KIAA1210: variants seen among roughly 807,000 people sequenced by gnomAD.
KIAA1210 encodes acrosomal protein KIAA1210.
A neutral mutation model predicts 78.9 loss-of-function variants in KIAA1210; 48 were observed. That is an observed-to-expected ratio of 0.61 (90% CI 0.48 to 0.77). The LOEUF (loss-of-function observed/expected upper bound fraction) is 0.77. Among genes scored for constraint, KIAA1210 ranks in the 30% least tolerant of loss-of-function variants. KIAA1210 has a pLI of 0.00. For synonymous variants in KIAA1210, 406 were observed against 404.5 expected, an observed-to-expected ratio of 1.00 and a Z score of -0.04; for missense variants, 1,108 against 1,100.0, an observed-to-expected ratio of 1.01 and a Z score of -0.10.
At chrX:119,106,396 T>G (rs1422772210) in intron 5 of KIAA1210, among the ~76,000 whole-genome samples, 1 of 111,648 alleles carries the variant, frequency 9.0e-6, no homozygotes, top group Admixed American at 9.6e-5. Flanking sequence ...CCTAATTCTT[T>G]CAGTGGCAGA....
intron 2 of KIAA1210, among the ~76,000 whole-genome samples, chrX:119,142,643 G>A (rs185984211): frequency 9.2e-6 from 1 of 108,979 alleles, no homozygotes; most frequent in Admixed American, 9.8e-5. Flanking sequence ...TGGGCGTGGT[G>A]GTGCATGCCT....
chrX:119,098,613 A>G (rs1355295176), intron 6 of KIAA1210, among the ~76,000 whole-genome samples: 1 of 105,425 alleles, frequency 9.5e-6, no homozygotes, highest in Admixed American at 1.0e-4. Flanking sequence ...TCAAAAAAAA[A>G]AAAAAAAAAA....
At chrX:119,114,992 G>A (rs1320813194) in intron 3 of KIAA1210, among the ~76,000 whole-genome samples, 1 of 111,992 alleles carries the variant, frequency 8.9e-6, no homozygotes, top group Non-Finnish European at 1.9e-5. Context: ...CATCAGATAC[G>A]GCTTAATACA....
At position 119,088,363 on chromosome X, in the gene KIAA1210, T is replaced by A. The variant is rs1318075625; in HGVS notation, c.2339A>T (p.Asn780Ile). The A allele has an allele frequency of 1.7e-6, 2 of 1,209,699 alleles. No individual in the cohort carries two copies. Among genetic ancestry groups the A allele is most frequent in the Non-Finnish European group, 2.2e-6 (2 of 894,646 alleles). ...PPRHPFQPWV[N>I]PKVEQEVSSS... ...GGAAACTTCTTGCTCCACTTTAGGG[T>A]TCACCCATGGCTGGAAAGGGTGTCT... is the stretch of plus-strand genomic sequence containing the variant. Residue 780 changes from asparagine (N) to isoleucine (I), a missense_variant, in exon 9 of 12, where the codon AAC becomes ATC. Asn to Ile is a moderately radical substitution (Grantham distance 149). Coordinates refer to ENST00000691062, the MANE Select transcript of KIAA1210 (RefSeq NM_001394962.1).
At position 119,108,452 on chromosome X, in the gene KIAA1210, G is replaced by A. The variant is rs185464834; in HGVS notation, c.377C>T (p.Thr126Ile). The stretch of plus-strand genomic sequence containing the variant: ...AACCTTACTCCTAGGTTTAGGCAGA[G>A]TTCTGGAAATATGGGATCTCTGTGT... Reference protein sequence around the residue: ...RPQQRSHISRTLPKPRSKVPG... With the variant: ...RPQQRSHISRILPKPRSKVPG... The change falls in exon 5 of 12, where the codon ACT becomes ATT. Residue 126 changes from threonine to isoleucine, a missense_variant. Coordinates refer to ENST00000691062, the MANE Select transcript of KIAA1210 (RefSeq NM_001394962.1). 541 of 1,206,874 alleles carry A rather than the reference G, an allele frequency of 4.5e-4. 8 individuals are homozygous for A. In the East Asian group the frequency reaches 0.016, roughly 35 times the overall value.
At chrX:119,141,062 C>T (rs1449606932) in intron 2 of KIAA1210, among the ~76,000 whole-genome samples, 1 of 112,178 alleles carries the variant, frequency 8.9e-6, no homozygotes, top group Non-Finnish European at 1.9e-5. Flanking sequence ...AGGAAGCTTT[C>T]CCTGATCTAC....
chrX:119,116,224 C>T (rs1368744975), intron 3 of KIAA1210, among the ~76,000 whole-genome samples: 1 of 112,379 alleles, frequency 8.9e-6, no homozygotes, highest in Admixed American at 9.4e-5. Context: ...TATCTGCACC[C>T]TCTTATTCAG....
At position 119,086,654 on chromosome X, in the gene KIAA1210, G is replaced by T. The variant is rs1927145107; in HGVS notation, c.4048C>A (p.Leu1350Met). Reference protein sequence around the residue: ...HKIRSTSQGLLDAAGNLTKIS... With the variant: ...HKIRSTSQGLMDAAGNLTKIS... Reference sequence around the variant, plus strand: ...TTGGTGAGGTTCCCTGCAGCATCCAGGAGCCCCTGGGAAGTGCTTCTGATT... The same window carrying T: ...TTGGTGAGGTTCCCTGCAGCATCCATGAGCCCCTGGGAAGTGCTTCTGATT... Residue 1350 changes from leucine to methionine, a missense_variant, in exon 9 of 12, where the codon CTG becomes ATG. By Grantham distance (15) the Leu-to-Met change is conservative. Around this residue, in one of 5 missense-constraint regions of KIAA1210, gnomAD observed 245 missense variants for 278.8 expected, o/e 0.88. Coordinates refer to ENST00000691062, the MANE Select transcript of KIAA1210 (RefSeq NM_001394962.1). 8.3e-7 allele frequency: 1 copy of T among 1,209,516 alleles called. No homozygotes were observed.
chrX:119,095,549 T>C (rs905576166), intron 7 of KIAA1210, among the ~76,000 whole-genome samples: 1 of 111,042 alleles, frequency 9.0e-6, no homozygotes, highest in Non-Finnish European at 1.9e-5. Context: ...CTACCACACC[T>C]GGTTAATTTT....
At chrX:119,098,601 C>T (rs1927632580) in intron 6 of KIAA1210, among the ~76,000 whole-genome samples, 3 of 84,348 alleles carry the variant, frequency 3.6e-5, no homozygotes, top group Non-Finnish European at 6.5e-5. Flanking sequence ...CGAGAGACTC[C>T]GTCAAAAAAA....
In KIAA1210 at chrX:119,086,771, G is replaced by T; in HGVS notation, c.3931C>A (p.Gln1311Lys). The change falls in exon 9 of 12, where the codon CAG becomes AAG. Residue 1311 changes from glutamine (Q) to lysine (K), a missense_variant. Physicochemically the swap from Gln to Lys is moderately conservative, Grantham distance 53. Transcript: ENST00000691062. Reference sequence around the variant, plus strand: ...TCTTGTTTCTCACTCTTATACTTCTGCGAGGGAGGGGCTCTTTTCAGTCGA... The same window carrying T: ...TCTTGTTTCTCACTCTTATACTTCTTCGAGGGAGGGGCTCTTTTCAGTCGA... Reference protein sequence around the residue: ...GVRLKRAPPSQKYKSEKQDNF... With the variant: ...GVRLKRAPPSKKYKSEKQDNF... 8.3e-7 allele frequency: 1 copy of T among 1,211,002 alleles called. No homozygotes were observed. The highest frequency in any genetic ancestry group is 1.1e-6 in the Non-Finnish European group (1 of 895,163).
chrX:119,097,765 A>G (rs73592467), intron 6 of KIAA1210, among the ~76,000 whole-genome samples: 3,016 of 111,784 alleles, frequency 0.027, 125 homozygotes, highest in African/African-American at 0.093. Flanking sequence ...AGTGCTAATG[A>G]GTCAGGCTGA....
chrX:119,118,464 T>C (rs1057281496), intron 2 of KIAA1210, among the ~76,000 whole-genome samples: 1 of 112,468 alleles, frequency 8.9e-6, no homozygotes, highest in East Asian at 2.8e-4. Context: ...TTCTGAAACT[T>C]CAAAATGGTT....
intron 2 of KIAA1210, among the ~76,000 whole-genome samples, chrX:119,119,956 A>G (rs1928395416): frequency 1.0e-5 from 1 of 97,423 alleles, no homozygotes; most frequent in African/African-American, 3.9e-5. Context: ...AGCCTGGGTG[A>G]CAGAGTGAGA....
At chrX:119,126,402 C>T (rs1410771053) in intron 1 of KIAA1210, among the ~76,000 whole-genome samples, 1 of 112,587 alleles carries the variant, frequency 8.9e-6, no homozygotes, top group Non-Finnish European at 1.9e-5. Context: ...ACAATTCCCC[C>T]TCACTGCCAC....
Position 119,085,366 on chromosome X carries a change from G to A in KIAA1210, c.4320+17C>T, listed in dbSNP as rs751886790. ...GCAACCTTTTTGGAGTGTTTTATTG[G>A]CTACCCCAGGTCCTACCTCATATTT... On this transcript the variant is annotated intron_variant, in intron 10 of 11. Coordinates refer to ENST00000691062, the MANE Select transcript of KIAA1210 (RefSeq NM_001394962.1). The A allele has an allele frequency of 1.7e-6, 2 of 1,193,179 alleles. No individual in the cohort carries two copies. Among genetic ancestry groups the A allele is most frequent in the East Asian group, 3.0e-5 (1 of 33,416 alleles).
chrX:119,106,330 T>C (rs752913101), intron 5 of KIAA1210, among the ~76,000 whole-genome samples: 2 of 112,506 alleles, frequency 1.8e-5, no homozygotes, highest in Non-Finnish European at 3.8e-5. Flanking sequence ...CATTTGCTAT[T>C]GTGGGCTCCA....
Position 119,086,648 on chromosome X carries a change from C to G in KIAA1210, c.4054G>C (p.Ala1352Pro), listed in dbSNP as rs1459846700. ...GATATTTTGGTGAGGTTCCCTGCAGCATCCAGGAGCCCCTGGGAAGTGCTT... is the reference window on the plus strand; with the variant it reads ...GATATTTTGGTGAGGTTCCCTGCAGGATCCAGGAGCCCCTGGGAAGTGCTT... ...IRSTSQGLLD[A>P]AGNLTKISYV... The change falls in exon 9 of 12, where the codon GCT becomes CCT. Residue 1352 changes from alanine (A) to proline (P), a missense_variant. Ala to Pro is a conservative substitution (Grantham distance 27). Transcript: ENST00000691062. 1.3e-5 allele frequency: 16 copies of G among 1,209,456 alleles called. No homozygotes were observed. Among genetic ancestry groups the G allele is most frequent in the Non-Finnish European group, 1.8e-5 (16 of 894,935 alleles).
intron 6 of KIAA1210, among the ~76,000 whole-genome samples, chrX:119,101,468 C>G (rs1051338173): frequency 9.1e-6 from 1 of 110,081 alleles, no homozygotes; most frequent in East Asian, 2.9e-4. Context: ...AAGCTAAAAG[C>G]ATGTGTCTAT....
Sources: allele counts gnomAD v4.1 joint callset (sites outside exome capture counted in the v4.1 genomes callset), GRCh38; gene constraint gnomAD v4.1.1; regional missense constraint gnomAD v4.1.1; transcripts MANE v1.5; gene names NCBI Gene and HGNC (gene_info 2026-07-23, HGNC 2026-07-21).